Variants in TYR observed in about 807,000 individuals in gnomAD.
TYR encodes LB24-AB.
In TYR, 58 loss-of-function variants were observed where a neutral mutation model predicts 51.5. That is an observed-to-expected ratio of 1.13 (90% confidence interval 0.91 to 1.40). The LOEUF is 1.40. Among genes scored for constraint, TYR ranks in the 40% most tolerant of loss-of-function variants. The pLI is 0.00. For synonymous variants in TYR, 263 were observed against 235.2 expected, an observed-to-expected ratio of 1.12 and a Z score of -1.08; for missense variants, 732 against 647.4, an observed-to-expected ratio of 1.13 and a Z score of -1.42.
At position 89,208,291 on chromosome 11, in the gene TYR, A is replaced by T. The variant is rs1285132373; in HGVS notation, c.1036+16873A>T. On this transcript the variant is annotated intron_variant, in intron 2 of 4. Coordinates refer to ENST00000263321, the MANE Select transcript of TYR (RefSeq NM_000372.5). ...TCTCAAGAAAAGAAAAAAAGTTTTTAAAAAGACAAAGTTCTTTAAGGCAAA... is the reference window on the plus strand; with the variant it reads ...TCTCAAGAAAAGAAAAAAAGTTTTTTAAAAGACAAAGTTCTTTAAGGCAAA... Among the ~76,000 whole-genome samples the T allele has an allele frequency of 2.0e-5, 3 of 152,206 alleles. No homozygotes were observed. In the East Asian group the frequency reaches 5.8e-4, roughly 29 times the overall value.
intron 3 of TYR, among the ~76,000 whole-genome samples, chr11:89,258,126 T>C (rs1944416396): frequency 6.6e-6 from 1 of 152,056 alleles, no homozygotes; most frequent in Admixed American, 6.6e-5. Flanking sequence ...ATTATGACAA[T>C]GGAGTGATTG....
rs1009697319 is a variant in TYR at position 89,295,619 on chromosome 11, G to C, written c.*253G>C. ...AGGAAAGGATGCTATTTGGTAATGA[G>C]GAACTGTTATTTGTATGTGAATTAA... is the stretch of plus-strand genomic sequence containing the variant. On this transcript the variant is annotated 3_prime_UTR_variant, in exon 5 of 5. Transcript: ENST00000263321. The C allele has an allele frequency of 1.3e-5, 6 of 478,892 alleles. No homozygotes were observed. The highest frequency in any genetic ancestry group is 1.2e-4 in the African/African-American group (6 of 51,190). 29.7% of individuals were successfully genotyped at this position (478,892 alleles called of 1,614,324 possible).
chr11:89,227,868 G>T lies in TYR; in HGVS notation c.1082G>T (p.Ser361Ile). The change falls in exon 3 of 5, where the codon AGC becomes ATC. Residue 361 changes from serine to isoleucine, a missense_variant. Ser to Ile is a moderately radical substitution (Grantham distance 142, BLOSUM62 -2). Transcript: ENST00000263321. ...LTGIADASQS[S>I]MHNALHIYMN... ...GGGATAGCGGATGCCTCTCAAAGCA[G>T]CATGCACAATGCCTTGCACATCTAT... 1.2e-6 allele frequency: 2 copies of T among 1,613,350 alleles called. No individual in the cohort carries two copies. The highest frequency in any genetic ancestry group is 1.7e-6 in the Non-Finnish European group (2 of 1,179,660).
chr11:89,192,730 T>A (rs563951811), intron 2 of TYR, among the ~76,000 whole-genome samples: 1 of 152,296 alleles, frequency 6.6e-6, no homozygotes, highest in East Asian at 1.9e-4. Flanking sequence ...CATGATTAAC[T>A]TTTTAAAGTA....
At chr11:89,211,976 A>C (rs779431705) in intron 2 of TYR, among the ~76,000 whole-genome samples, 2 of 152,238 alleles carry the variant, frequency 1.3e-5, no homozygotes, top group Non-Finnish European at 2.9e-5. Flanking sequence ...ATAGCACTAA[A>C]TGCCCACAAG....
At chr11:89,225,101 A>AT (rs1168210644) in intron 2 of TYR, among the ~76,000 whole-genome samples, 1 of 151,786 alleles carries the variant, frequency 6.6e-6, no homozygotes, top group Non-Finnish European at 1.5e-5. Context: ...TGATATACCT[A>AT]TTTTTGTTAC....
chr11:89,205,400 A>T (rs1015157500), intron 2 of TYR, among the ~76,000 whole-genome samples: 1 of 152,184 alleles, frequency 6.6e-6, no homozygotes, highest in African/African-American at 2.4e-5. Context: ...AAATTAAAGA[A>T]TCAGAGTTAA....
At chr11:89,238,432 T>A (rs181031967) in intron 3 of TYR, among the ~76,000 whole-genome samples, 82 of 152,276 alleles carry the variant, frequency 5.4e-4, no homozygotes, top group African/African-American at 1.9e-3. Context: ...TTTCTGTATC[T>A]TGTTTTTGTA....
chr11:89,203,727 C>G (rs1943630694), intron 2 of TYR, among the ~76,000 whole-genome samples: 1 of 152,030 alleles, frequency 6.6e-6, no homozygotes, highest in Non-Finnish European at 1.5e-5. Context: ...AGCTTGTAAC[C>G]TAGAAACACC....
At chr11:89,293,381 G>T (rs1299956121) in intron 4 of TYR, among the ~76,000 whole-genome samples, 1 of 150,076 alleles carries the variant, frequency 6.7e-6, no homozygotes, top group Non-Finnish European at 1.5e-5. Flanking sequence ...AACCCAGAAT[G>T]GTCCTTAGGA....
At position 89,178,602 on chromosome 11, in the gene TYR, C is replaced by A; in HGVS notation, c.649C>A (p.Arg217=). The change falls in exon 1 of 5, where the codon CGG becomes AGG. Residue 217 remains arginine, a synonymous_variant. Coordinates refer to ENST00000263321, the MANE Select transcript of TYR (RefSeq NM_000372.5). ...GCCTTGGCATAGACTCTTCTTGTTGCGGTGGGAACAAGAAATCCAGAAGCT... is the reference window on the plus strand; with the variant it reads ...GCCTTGGCATAGACTCTTCTTGTTGAGGTGGGAACAAGAAATCCAGAAGCT... ...FLPWHRLFLL[R]WEQEIQKLTG... 6.2e-7 allele frequency: 1 copy of A among 1,612,584 alleles called. No individual in the cohort carries two copies. The highest frequency in any genetic ancestry group is 1.3e-5 in the African/African-American group (1 of 74,892).
At chr11:89,271,645 T>C (rs1365849031) in intron 3 of TYR, among the ~76,000 whole-genome samples, 1 of 151,778 alleles carries the variant, frequency 6.6e-6, no homozygotes, top group Admixed American at 6.6e-5. Flanking sequence ...AAGAAAAAAA[T>C]AGAGTTTGCT....
rs541483467 is a variant in TYR, at chr11:89,193,183, G to T, written c.1036+1765G>T. On this transcript the variant is annotated intron_variant, in intron 2 of 4. Transcript: ENST00000263321. ...TCAGAATGCTGATATTAATGACATTGCAAAGCGAAGCTACATCTTTAAGGA... is the reference window on the plus strand; with the variant it reads ...TCAGAATGCTGATATTAATGACATTTCAAAGCGAAGCTACATCTTTAAGGA... Among the ~76,000 whole-genome samples, 6 of 152,258 alleles carry T rather than the reference G, an allele frequency of 3.9e-5. No individual in the cohort carries two copies. The South Asian group carries it at 1.2e-3, about 32-fold the overall frequency.
chr11:89,178,274 T>G lies in TYR; in HGVS notation c.321T>G (p.Phe107Leu). 1 of 1,614,204 alleles carries G rather than the reference T, an allele frequency of 6.2e-7. No homozygotes were observed. Among genetic ancestry groups the G allele is most frequent in the Non-Finnish European group, 8.5e-7 (1 of 1,180,038 alleles). Residue 107 changes from phenylalanine (F) to leucine (L), a missense_variant, in exon 1 of 5, where the codon TTT becomes TTG. Transcript: ENST00000263321. ...ACTGTGGAAACTGCAAGTTTGGCTT[T>G]TGGGGACCAAACTGCACAGAGAGAC... ...GFNCGNCKFG[F>L]WGPNCTERRL...
intron 1 of TYR, among the ~76,000 whole-genome samples, chr11:89,187,982 T>C (rs1943398051): frequency 6.6e-6 from 1 of 151,512 alleles, no homozygotes; most frequent in African/African-American, 2.4e-5. Flanking sequence ...TTTATGTAAC[T>C]TATCTTCTAG....
intron 3 of TYR, among the ~76,000 whole-genome samples, chr11:89,255,809 C>T (rs1164063969): frequency 1.3e-5 from 2 of 151,554 alleles, no homozygotes; most frequent in Non-Finnish European, 3.0e-5. Context: ...TATAACCAGC[C>T]TAATTAGACC....
intron 3 of TYR, among the ~76,000 whole-genome samples, chr11:89,267,859 T>C (rs1266399352): frequency 6.6e-6 from 1 of 151,924 alleles, no homozygotes; most frequent in Non-Finnish European, 1.5e-5. Flanking sequence ...GCACTTGGTG[T>C]CCTGGAAAGT....
At position 89,207,166 on chromosome 11, in the gene TYR, G is replaced by A. The variant is rs191840609; in HGVS notation, c.1036+15748G>A. The stretch of plus-strand genomic sequence containing the variant: ...AAATTAAAAACAGGAATCAATACAG[G>A]ATATGAATATAACAAGCAGCTGGTT... On this transcript the variant is annotated intron_variant, in intron 2 of 4. Transcript: ENST00000263321. Among the ~76,000 whole-genome samples the A allele has an allele frequency of 5.7e-3, 871 of 152,016 alleles. 6 individuals are homozygous for A. The highest frequency in any genetic ancestry group is 0.015 in the African/African-American group (630 of 41,498).
chr11:89,204,888 A>G (rs1943651524), intron 2 of TYR, among the ~76,000 whole-genome samples: 1 of 152,096 alleles, frequency 6.6e-6, no homozygotes, highest in South Asian at 2.1e-4. Context: ...ATTATCTCAA[A>G]TAATAGGTTG....
Sources: allele counts gnomAD v4.1 joint callset (sites outside exome capture counted in the v4.1 genomes callset), GRCh38; gene constraint gnomAD v4.1.1; transcripts MANE v1.5; gene names NCBI Gene and HGNC (gene_info 2026-07-23, HGNC 2026-07-21).